SORCS2: variants seen among roughly 807,000 people sequenced by gnomAD.
SORCS2 encodes VPS10 domain-containing receptor SorCS2.
A neutral mutation model predicts 141.6 loss-of-function variants in SORCS2; 100 were observed. That is an observed-to-expected ratio of 0.71 (90% CI 0.60 to 0.83). The LOEUF (loss-of-function observed/expected upper bound fraction) is 0.83, where lower values mean the gene tolerates loss of function less well. Ranked by LOEUF, SORCS2 falls within the 40% of genes least tolerant of loss-of-function variation. SORCS2 has a pLI of 0.00. For synonymous variants in SORCS2, 789 were observed against 676.9 expected (o/e 1.17, Z -2.57); for missense variants, 1,646 against 1,560.2 (o/e 1.05, Z -0.93).
chr4:7,386,469 G>A (rs1365904286), intron 1 of SORCS2, among the ~76,000 whole-genome samples: 9 of 67,178 alleles, frequency 1.3e-4, no homozygotes, highest in East Asian at 5.4e-4. Flanking sequence ...GCACACACAT[G>A]CACACACATA....
chr4:7,424,229 C>T (rs1313950934), intron 2 of SORCS2, among the ~76,000 whole-genome samples: 8 of 152,206 alleles, frequency 5.3e-5, no homozygotes, highest in Non-Finnish European at 7.3e-5. Flanking sequence ...TCTGGGCAAG[C>T]TCTAAGCTCC....
intron 1 of SORCS2, among the ~76,000 whole-genome samples, chr4:7,281,801 C>T (rs1294006440): frequency 3.9e-5 from 6 of 152,156 alleles, no homozygotes; most frequent in East Asian, 1.9e-4. Context: ...TAATCACAGC[C>T]GGGGCCTCTG....
chr4:7,486,211 C>T (rs542817525), intron 2 of SORCS2, among the ~76,000 whole-genome samples: 1 of 152,362 alleles, frequency 6.6e-6, no homozygotes, highest in African/African-American at 2.4e-5. Context: ...AAGCCCCGTC[C>T]AGTGGAGGGG....
chr4:7,207,374 G>A (rs979857278), intron 1 of SORCS2, among the ~76,000 whole-genome samples: 3 of 152,228 alleles, frequency 2.0e-5, no homozygotes, highest in African/African-American at 4.8e-5. Context: ...GCCGACGTGA[G>A]TCACCGGGCT....
intron 3 of SORCS2, among the ~76,000 whole-genome samples, chr4:7,532,150 C>A (rs1711713209): frequency 2.0e-5 from 3 of 152,178 alleles, no homozygotes; most frequent in Admixed American, 2.0e-4. Context: ...CGAGGCTACC[C>A]ACCGTGGGTT....
chr4:7,669,292 G>A (rs1016285024), intron 8 of SORCS2, among the ~76,000 whole-genome samples: 2 of 152,166 alleles, frequency 1.3e-5, no homozygotes, highest in African/African-American at 4.8e-5. Context: ...TGTGACTATC[G>A]ATGTCCTCCC....
At chr4:7,468,927 C>G (rs914521774) in intron 2 of SORCS2, among the ~76,000 whole-genome samples, 1 of 152,182 alleles carries the variant, frequency 6.6e-6, no homozygotes, top group Non-Finnish European at 1.5e-5. Flanking sequence ...TGACCTTGGA[C>G]AAGTCACTTA....
chr4:7,192,654 A>T lies in SORCS2; in HGVS notation c.8A>T (p.His3Leu). The change falls in exon 1 of 27, where the codon CAC (histidine) becomes CTC (leucine). Residue 3 changes from histidine to leucine, a missense_variant. Coordinates refer to ENST00000507866, the MANE Select transcript of SORCS2 (RefSeq NM_020777.3). This position sits in a 1 kb window ranked among gnomAD's most constrained non-coding sequence, Gnocchi z 4.0. MA[H>L]RGPSRASKGP... ...CTGCCGCCCCTGGCGACCATGGCGC[A>T]CCGGGGGCCCTCGCGCGCCTCGAAG... 2.0e-6 allele frequency: 2 copies of T among 986,872 alleles called. No homozygotes were observed. The highest frequency in any genetic ancestry group is 2.4e-6 in the Non-Finnish European group (2 of 832,268). 61.1% of individuals were successfully genotyped at this position (986,872 alleles called of 1,614,324 possible).
chr4:7,213,687 G>T (rs1419799467), intron 1 of SORCS2, among the ~76,000 whole-genome samples: 1 of 152,232 alleles, frequency 6.6e-6, no homozygotes, highest in African/African-American at 2.4e-5. Context: ...GGCCCAGGAG[G>T]TGAGTGGGTT....
chr4:7,349,908 C>T (rs1300466251), intron 1 of SORCS2, among the ~76,000 whole-genome samples: 5 of 152,164 alleles, frequency 3.3e-5, no homozygotes, highest in South Asian at 2.1e-4. Flanking sequence ...TTTGGTGTTC[C>T]GAGCAGACGC....
chr4:7,338,981 CT>C (rs1250790634), intron 1 of SORCS2, among the ~76,000 whole-genome samples: 81 of 152,324 alleles, frequency 5.3e-4, no homozygotes, highest in Non-Finnish European at 4.4e-5. Flanking sequence ...CAGCAACCCC[CT>C]GACACACTTC....
At chr4:7,622,597 C>T (rs944621223) in intron 3 of SORCS2, among the ~76,000 whole-genome samples, 5 of 152,158 alleles carry the variant, frequency 3.3e-5, no homozygotes, top group African/African-American at 7.2e-5. Flanking sequence ...GCCCACCTTC[C>T]TCTTTGCCTG....
intron 3 of SORCS2, among the ~76,000 whole-genome samples, chr4:7,625,338 G>T (rs1719449051): frequency 6.6e-6 from 1 of 152,096 alleles, no homozygotes; most frequent in Non-Finnish European, 1.5e-5. Context: ...AAATTGTTTG[G>T]TCTTGAGTGG....
chr4:7,479,714 G>T (rs7676849), intron 2 of SORCS2, among the ~76,000 whole-genome samples: 11,942 of 152,282 alleles, frequency 0.078, 484 homozygotes, highest in African/African-American at 0.093. Flanking sequence ...CTTGGGACAG[G>T]CCCCAGGACG....
chr4:7,522,833 C>T (rs116030491), intron 2 of SORCS2, among the ~76,000 whole-genome samples: 873 of 43,414 alleles, frequency 0.02, 117 homozygotes, highest in African/African-American at 0.054. Flanking sequence ...TTCTCCCTCC[C>T]TCCTCCCCCC....
chr4:7,194,248 C>T (rs557928118), intron 1 of SORCS2, among the ~76,000 whole-genome samples: 9 of 152,092 alleles, frequency 5.9e-5, no homozygotes, highest in Non-Finnish European at 1.2e-4. Flanking sequence ...TCCCAAAGGG[C>T]CAGGGTTCCT....
chr4:7,298,021 C>G (rs1717194091), intron 1 of SORCS2, among the ~76,000 whole-genome samples: 1 of 152,262 alleles, frequency 6.6e-6, no homozygotes, highest in African/African-American at 2.4e-5. Flanking sequence ...GAGCTTGTTT[C>G]TAGGGCCTGA....
chr4:7,314,815 T>C (rs1438019899), intron 1 of SORCS2, among the ~76,000 whole-genome samples: 1 of 79,834 alleles, frequency 1.3e-5, no homozygotes, highest in Non-Finnish European at 2.8e-5. Flanking sequence ...TTTTTTTTTT[T>C]TTTTTTTTTT....
intron 3 of SORCS2, among the ~76,000 whole-genome samples, chr4:7,564,193 G>A (rs1242966457): frequency 6.6e-6 from 1 of 152,136 alleles, no homozygotes; most frequent in Non-Finnish European, 1.5e-5. Flanking sequence ...CTTTTCTACT[G>A]TCACACACAC....
Sources: gnomAD v4.1 joint callset for allele counts (sites outside exome capture counted in the v4.1 genomes callset) on GRCh38, gnomAD v4.1.1 for gene constraint, Gnocchi (gnomAD v3.1) non-coding constraint, MANE v1.5 for transcripts, NCBI Gene and HGNC (gene_info 2026-07-23, HGNC 2026-07-21) for gene names.